Variants in GRID1 observed in about 807,000 individuals in gnomAD.
GRID1 encodes glutamate ionotropic receptor delta type subunit 1.
In GRID1, 28 loss-of-function variants were observed where a neutral mutation model predicts 98.0. The ratio of observed to expected loss-of-function variants is 0.29; its 90% CI spans 0.21 to 0.39. GRID1 has a LOEUF of 0.39. Ranked by LOEUF, GRID1 falls within the 10% of genes least tolerant of loss-of-function variation. The pLI is 1.00. For missense variants in GRID1, 1,111 were observed against 1,340.5 expected, an observed-to-expected ratio of 0.83 and a Z score of 2.67; for synonymous variants, 553 against 538.5, an observed-to-expected ratio of 1.03 and a Z score of -0.37.
At chr10:85,707,448 A>G (rs1025472308) in intron 12 of GRID1, among the ~76,000 whole-genome samples, 19 of 152,220 alleles carry the variant, frequency 1.2e-4, no homozygotes, top group Non-Finnish European at 2.8e-4. Context: ...GCAATCATTA[A>G]AAAGTCAGGA....
intron 3 of GRID1, among the ~76,000 whole-genome samples, chr10:86,154,045 GA>G (rs755817663): frequency 2.0e-4 from 30 of 152,206 alleles, no homozygotes; most frequent in Non-Finnish European, 3.1e-4. Flanking sequence ...GAAGGCCCTG[GA>G]AATGCCAGAG....
chr10:85,784,327 C>T (rs1325608737), intron 8 of GRID1, among the ~76,000 whole-genome samples: 1 of 152,188 alleles, frequency 6.6e-6, no homozygotes. Flanking sequence ...CACTCCACAG[C>T]ATGCACCTCA....
At chr10:86,208,306 C>A (rs988660786) in intron 2 of GRID1, among the ~76,000 whole-genome samples, 1 of 152,278 alleles carries the variant, frequency 6.6e-6, no homozygotes, top group Non-Finnish European at 1.5e-5. Context: ...ATGATGAGAT[C>A]TTGTGAATCT....
chr10:85,981,103 C>T (rs1842539195), intron 4 of GRID1, among the ~76,000 whole-genome samples: 1 of 152,104 alleles, frequency 6.6e-6, no homozygotes, highest in African/African-American at 2.4e-5. Flanking sequence ...AGCTCACAGC[C>T]CGACAGAGGC....
chr10:85,884,023 C>G (rs1841076507), intron 5 of GRID1, among the ~76,000 whole-genome samples: 2 of 152,156 alleles, frequency 1.3e-5, no homozygotes, highest in African/African-American at 2.4e-5. Flanking sequence ...CTTGCACAAT[C>G]ATAAGAAAAA....
intron 12 of GRID1, among the ~76,000 whole-genome samples, chr10:85,696,419 G>T (rs918129021): frequency 1.3e-5 from 2 of 151,892 alleles, no homozygotes; most frequent in Non-Finnish European, 2.9e-5. Context: ...AGAGAGAAAG[G>T]TGCTCTAAAA....
intron 8 of GRID1, 33 bp from the exon 9 acceptor site, chr10:85,729,647 GA>G (rs771275011): frequency 2.9e-6 from 4 of 1,391,930 alleles, no homozygotes. Context: ...GTGAGGGATG[GA>G]ACTGGCACCC....
At chr10:86,319,757 G>C (rs1184590088) in intron 2 of GRID1, among the ~76,000 whole-genome samples, 1 of 152,248 alleles carries the variant, frequency 6.6e-6, no homozygotes, top group Non-Finnish European at 1.5e-5. Flanking sequence ...CGTGGTGAAA[G>C]CACTGCTGAT....
At chr10:86,146,524 G>T (rs1845091739) in intron 3 of GRID1, among the ~76,000 whole-genome samples, 2 of 152,186 alleles carry the variant, frequency 1.3e-5, no homozygotes, top group South Asian at 4.1e-4. Flanking sequence ...ACTACCTGCT[G>T]TGGCTCCAAT....
At chr10:85,692,210 C>G (rs547272901) in intron 12 of GRID1, among the ~76,000 whole-genome samples, 2 of 152,152 alleles carry the variant, frequency 1.3e-5, no homozygotes, top group Non-Finnish European at 1.5e-5. Flanking sequence ...TTACCCAACC[C>G]TACTATGTGC....
At chr10:85,731,779 G>T (rs528499968) in intron 8 of GRID1, among the ~76,000 whole-genome samples, 37 of 131,526 alleles carry the variant, frequency 2.8e-4, no homozygotes, top group African/African-American at 1.0e-3. Context: ...TCCAGCCTGG[G>T]CAACAGAGTG....
intron 4 of GRID1, among the ~76,000 whole-genome samples, chr10:86,077,343 T>A (rs1020936762): frequency 1.3e-5 from 2 of 152,198 alleles, no homozygotes; most frequent in African/African-American, 4.8e-5. Flanking sequence ...CCTGATCTGG[T>A]CACCACCAAG....
chr10:85,665,983 G>C (rs1266460484), intron 12 of GRID1, among the ~76,000 whole-genome samples: 1 of 152,096 alleles, frequency 6.6e-6, no homozygotes, highest in Non-Finnish European at 1.5e-5. Flanking sequence ...CTCACCCCTG[G>C]AGGTCAAGGC....
intron 4 of GRID1, among the ~76,000 whole-genome samples, chr10:85,927,767 C>T (rs1390909186): frequency 1.3e-5 from 2 of 152,190 alleles, no homozygotes; most frequent in Non-Finnish European, 2.9e-5. Flanking sequence ...CAGACTTGGG[C>T]ATCCATGGAA....
In GRID1 at chr10:85,758,216, G is replaced by C. The variant is rs140295655; in HGVS notation, c.1234-28602C>G. The stretch of plus-strand genomic sequence containing the variant: ...TCTATAACCATTTTAATTATCTTTT[G>C]CTGCATTATCAAATAATTGCAAAAC... On this transcript the variant is annotated intron_variant, in intron 8 of 15. Coordinates refer to ENST00000327946, the MANE Select transcript of GRID1 (RefSeq NM_017551.3). 1.8e-3 allele frequency among the ~76,000 whole-genome samples: 269 copies of C among 152,168 alleles called. 2 individuals are homozygous for C. The highest frequency in any genetic ancestry group is 5.9e-3 in the African/African-American group (243 of 41,498).
At chr10:85,711,155 T>C (rs1329384747) in intron 12 of GRID1, among the ~76,000 whole-genome samples, 2 of 152,012 alleles carry the variant, frequency 1.3e-5, no homozygotes, top group Non-Finnish European at 2.9e-5. Context: ...AAAGCAGGCA[T>C]TGAACAGGTA....
intron 4 of GRID1, among the ~76,000 whole-genome samples, chr10:86,013,162 A>G (rs546464581): frequency 6.6e-6 from 1 of 152,338 alleles, no homozygotes; most frequent in Non-Finnish European, 1.5e-5. Flanking sequence ...TGTTTGGAAT[A>G]GATATCTTCA....
At chr10:85,654,667 A>G (rs935860139) in intron 12 of GRID1, among the ~76,000 whole-genome samples, 26 of 152,152 alleles carry the variant, frequency 1.7e-4, no homozygotes, top group Admixed American at 1.4e-3. Context: ...AGGCTGTGAT[A>G]GTTGTATCTT....
At chr10:86,197,580 A>G (rs957781470) in intron 3 of GRID1, among the ~76,000 whole-genome samples, 1 of 152,082 alleles carries the variant, frequency 6.6e-6, no homozygotes. Context: ...CAAGGGCACA[A>G]TGGTGTGTGG....
Sources: gnomAD v4.1 joint callset for allele counts (sites outside exome capture counted in the v4.1 genomes callset) on GRCh38, gnomAD v4.1.1 for gene constraint, MANE v1.5 for transcripts, NCBI Gene and HGNC (gene_info 2026-07-23, HGNC 2026-07-21) for gene names.